CREB1: variants seen among roughly 807,000 people sequenced by gnomAD.
CREB1 encodes cyclic AMP-responsive element-binding protein 1.
In CREB1, 2 loss-of-function variants were observed where a neutral mutation model predicts 42.0. That is an observed-to-expected ratio of 0.05 (90% CI 0.02 to 0.15). CREB1 has a LOEUF of 0.15. CREB1 is among the 10% of genes least tolerant of loss of function. The probability of loss-of-function intolerance (pLI) is 1.00; values close to 1 mark genes in which losing one functional copy is unlikely to be tolerated. For synonymous variants in CREB1, 123 were observed against 139.9 expected, an observed-to-expected ratio of 0.88 and a Z score of 0.85; for missense variants, 199 against 388.9, an observed-to-expected ratio of 0.51 and a Z score of 4.11.
In CREB1 at chr2:207,604,562, T is replaced by C. The variant is rs2087746633; in HGVS notation, c.*7504T>C. On this transcript the variant is annotated 3_prime_UTR_variant, in exon 8 of 8. Coordinates refer to ENST00000353267, the MANE Select transcript of CREB1 (RefSeq NM_004379.5). ...CCTGACATCAAATGGAAAGGAAGGA[T>C]AATGTCCAGGAGTTGGAATGTTATC... Among the ~76,000 whole-genome samples, 2 of 152,224 alleles carry C rather than the reference T, an allele frequency of 1.3e-5. No individual in the cohort carries two copies. The highest frequency in any genetic ancestry group is 2.4e-5 in the African/African-American group (1 of 41,452).
chr2:207,604,963 C>T lies in CREB1; in HGVS notation c.*7905C>T, dbSNP rs547072794. Among the ~76,000 whole-genome samples the T allele has an allele frequency of 6.6e-6, 1 of 152,018 alleles. No homozygotes were observed. Among genetic ancestry groups the T allele is most frequent in the African/African-American group, 2.4e-5 (1 of 41,390 alleles). On this transcript the variant is annotated 3_prime_UTR_variant, in exon 8 of 8. Coordinates refer to ENST00000353267, the MANE Select transcript of CREB1 (RefSeq NM_004379.5). ...TAAGTATGCCATTGTAGATATATAC[C>T]ACAAGTTTATCGATTCATCCAGTTG...
chr2:207,582,525 G>C (rs1388904393), intron 7 of CREB1, among the ~76,000 whole-genome samples: 1 of 151,932 alleles, frequency 6.6e-6, no homozygotes, highest in Admixed American at 6.6e-5. Flanking sequence ...TTGGCTACTG[G>C]GATCTTTTAT....
At chr2:207,575,139 T>C (rs948944810) in intron 5 of CREB1, 133 bp from the exon 6 acceptor site, 7 of 863,062 alleles carry the variant, frequency 8.1e-6, no homozygotes, top group Non-Finnish European at 1.1e-5. Context: ...TTGAATATAT[T>C]AGACCCTTCT....
chr2:207,545,559 GACTACT>G lies in CREB1; in HGVS notation c.-8-10064_-8-10059del, dbSNP rs534747868. 1.5e-3 allele frequency among the ~76,000 whole-genome samples: 222 copies of G among 152,112 alleles called. 1 individual carries two copies. The highest frequency in any genetic ancestry group is 5.0e-3 in the African/African-American group (209 of 41,472). On this transcript the variant is annotated intron_variant, in intron 1 of 7. Transcript: ENST00000353267. Reference sequence around the variant, plus strand: ...TTTATGCTATAGTCCCATAGTATGGGACTACTACTATGTAGTAATTTTCAGTTCTGC... The same window carrying G: ...TTTATGCTATAGTCCCATAGTATGGGACTATGTAGTAATTTTCAGTTCTGC...
chr2:207,567,650 T>C, intron 4 of CREB1, 87 bp downstream of exon 4: 2 of 788,842 alleles, frequency 2.5e-6, no homozygotes, highest in Non-Finnish European at 4.2e-6. Flanking sequence ...CAGTTAGTTG[T>C]TCACGTCAGT....
At position 207,605,870 on chromosome 2, in the gene CREB1, C is replaced by G. The variant is rs1245452521; in HGVS notation, c.*8812C>G. Among the ~76,000 whole-genome samples, 1 of 152,110 alleles carries G rather than the reference C, an allele frequency of 6.6e-6. No individual in the cohort carries two copies. Among genetic ancestry groups the G allele is most frequent in the African/African-American group, 2.4e-5 (1 of 41,410 alleles). On this transcript the variant is annotated 3_prime_UTR_variant, in exon 8 of 8. Transcript: ENST00000353267. ...TTTCTTCATATTTGGATATTGTTTC[C>G]TAATGATTATTAGGTATCTGCTAAG... is the stretch of plus-strand genomic sequence containing the variant.
At chr2:207,572,218 T>A (rs1274747102) in intron 5 of CREB1, among the ~76,000 whole-genome samples, 1 of 126,926 alleles carries the variant, frequency 7.9e-6, no homozygotes, top group African/African-American at 2.7e-5. Context: ...AGAGCAAGAT[T>A]CCGTCTCAAA....
In CREB1 at chr2:207,597,697, C is replaced by T. The variant is rs371836046; in HGVS notation, c.*639C>T. 23 of 206,296 alleles carry T rather than the reference C, an allele frequency of 1.1e-4. No homozygotes were observed. In the South Asian group the frequency reaches 1.7e-3, roughly 15 times the overall value. 12.8% of individuals were successfully genotyped at this position (206,296 alleles called of 1,614,324 possible). ...CCTTGGTTCTTAAAAGCATTCTGTA[C>T]TAATACAGCTCTTCCATAGGGCAGT... On this transcript the variant is annotated 3_prime_UTR_variant, in exon 8 of 8. Transcript: ENST00000353267.
At chr2:207,595,885 C>T (rs1031125394) in intron 7 of CREB1, among the ~76,000 whole-genome samples, 1 of 152,098 alleles carries the variant, frequency 6.6e-6, no homozygotes, top group African/African-American at 2.4e-5. Flanking sequence ...GATCTTAACC[C>T]CTTAGCAGAT....
chr2:207,587,542 AT>A (rs1442764765), intron 7 of CREB1, among the ~76,000 whole-genome samples: 1 of 152,356 alleles, frequency 6.6e-6, no homozygotes, highest in African/African-American at 2.4e-5. Context: ...ATCAACCTAA[AT>A]ATCCATCAAC....
At chr2:207,536,727 C>T (rs1020307406) in intron 1 of CREB1, among the ~76,000 whole-genome samples, 3 of 151,888 alleles carry the variant, frequency 2.0e-5, no homozygotes, top group Non-Finnish European at 4.4e-5. Context: ...TGGTGGCTCA[C>T]GTCTGTAATC....
At chr2:207,582,648 G>A (rs2083120938) in intron 7 of CREB1, among the ~76,000 whole-genome samples, 1 of 151,906 alleles carries the variant, frequency 6.6e-6, no homozygotes, top group African/African-American at 2.4e-5. Context: ...CCCTTCCCTA[G>A]CCTTGGAATG....
In CREB1 at chr2:207,597,870, T is replaced by A. The variant is rs1559085964; in HGVS notation, c.*812T>A. On this transcript the variant is annotated 3_prime_UTR_variant, in exon 8 of 8. Transcript: ENST00000353267. ...AAAGCATATTTTAGTTAGTACTAAA[T>A]TCTTAGTAAAATGCTGATCAGTAAA... 1 of 190,340 alleles carries A rather than the reference T, an allele frequency of 5.3e-6. No individual in the cohort carries two copies. Among genetic ancestry groups the A allele is most frequent in the Non-Finnish European group, 1.1e-5 (1 of 90,764 alleles). 11.8% of individuals were successfully genotyped at this position (190,340 alleles called of 1,614,324 possible). A position where few individuals can be genotyped will look rare whatever the true frequency, so the allele number is the denominator to read the frequency against.
intron 5 of CREB1, among the ~76,000 whole-genome samples, chr2:207,574,655 C>T (rs1446760567): frequency 6.6e-6 from 1 of 152,034 alleles, no homozygotes; most frequent in Non-Finnish European, 1.5e-5. Context: ...AAATGATGAT[C>T]TTGAGCTCTG....
In CREB1 at chr2:207,599,730, T is replaced by C. The variant is rs1229040533; in HGVS notation, c.*2672T>C. ...TGCAAGAATGGTGGGGAGGTTTGTT[T>C]GTAAGCATGAAACTTTGAGAATCTT... On this transcript the variant is annotated 3_prime_UTR_variant, in exon 8 of 8. Coordinates refer to ENST00000353267, the MANE Select transcript of CREB1 (RefSeq NM_004379.5). 1 of 196,796 alleles carries C rather than the reference T, an allele frequency of 5.1e-6. No homozygotes were observed. The highest frequency in any genetic ancestry group is 1.1e-5 in the Non-Finnish European group (1 of 94,934). The allele number at this position is 196,796 out of a possible 1,614,324, so 12.2% of individuals were successfully genotyped here.
chr2:207,578,912 T>C (rs1247538423), intron 7 of CREB1, among the ~76,000 whole-genome samples: 1 of 151,894 alleles, frequency 6.6e-6, no homozygotes, highest in Non-Finnish European at 1.5e-5. Context: ...TGCCTCAACC[T>C]CCCGAGTAGC....
intron 5 of CREB1, chr2:207,571,585 T>C (rs1308608612): frequency 4.9e-6 from 1 of 204,500 alleles, no homozygotes; most frequent in Non-Finnish European, 1.0e-5. Flanking sequence ...CTTAAGATCT[T>C]TGTGGCAGAT....
intron 2 of CREB1, among the ~76,000 whole-genome samples, chr2:207,556,345 G>T (rs774544147): frequency 1.3e-5 from 2 of 151,930 alleles, no homozygotes; most frequent in Non-Finnish European, 2.9e-5. Context: ...TTTATTAACA[G>T]CTGTTTACAT....
intron 7 of CREB1, chr2:207,581,716 T>C: frequency 1.7e-6 from 1 of 601,850 alleles, no homozygotes; most frequent in East Asian, 2.8e-5. Context: ...CCAGGGTACA[T>C]TTATCAAAAA....
Sources: gnomAD v4.1 joint callset for allele counts (sites outside exome capture counted in the v4.1 genomes callset) on GRCh38, gnomAD v4.1.1 for gene constraint, MANE v1.5 for transcripts, NCBI Gene and HGNC (gene_info 2026-07-23, HGNC 2026-07-21) for gene names.